MAPKBP1: variants seen among roughly 807,000 people sequenced by gnomAD.
The protein encoded by MAPKBP1 is mitogen-activated protein kinase binding protein 1, also known as mitogen-activated protein kinase-binding protein 1.
A neutral mutation model predicts 170.5 loss-of-function variants in MAPKBP1; 71 were observed. The ratio of observed to expected loss-of-function variants is 0.42; its 90% CI spans 0.34 to 0.51. The LOEUF (loss-of-function observed/expected upper bound fraction) is 0.51. Ranked by LOEUF, MAPKBP1 falls within the 20% of genes least tolerant of loss-of-function variation. MAPKBP1 has a pLI of 0.06. For missense variants in MAPKBP1, 1,598 were observed against 1,933.0 expected, an observed-to-expected ratio of 0.83 and a Z score of 3.25; for synonymous variants, 719 against 757.9, an observed-to-expected ratio of 0.95 and a Z score of 0.84.
At chr15:41,823,261 G>T in intron 28 of MAPKBP1, 39 bp downstream of exon 28, 1 of 1,597,534 alleles carries the variant, frequency 6.3e-7, no homozygotes, top group East Asian at 2.2e-5. Context: ...GGTGCAGGGT[G>T]TATGGAACAC....
chr15:41,813,927 A>G, intron 9 of MAPKBP1, 146 bp downstream of exon 9: 1 of 992,080 alleles, frequency 1.0e-6, no homozygotes, highest in Non-Finnish European at 1.4e-6. Context: ...ATTTGGGTTT[A>G]TTGGTACTTG....
chr15:41,820,409 C>G (rs1449857854), intron 22 of MAPKBP1, among the ~76,000 whole-genome samples: 1 of 152,036 alleles, frequency 6.6e-6, no homozygotes, highest in Non-Finnish European at 1.5e-5. Context: ...GGCCTTTGCC[C>G]TGGGCTGGAT....
chr15:41,791,784 C>T (rs1019674754), intron 2 of MAPKBP1, among the ~76,000 whole-genome samples: 10 of 152,182 alleles, frequency 6.6e-5, no homozygotes, highest in African/African-American at 2.4e-4. Context: ...TTCTCCTCCT[C>T]TCTTTCTCAC....
At chr15:41,793,030 T>G (rs1027645881) in intron 2 of MAPKBP1, among the ~76,000 whole-genome samples, 1 of 152,102 alleles carries the variant, frequency 6.6e-6, no homozygotes, top group Non-Finnish European at 1.5e-5. Context: ...CTTCGCATAC[T>G]TCCACTAGAT....
chr15:41,807,892 A>G (rs940967447), intron 3 of MAPKBP1, among the ~76,000 whole-genome samples: 2 of 151,896 alleles, frequency 1.3e-5, no homozygotes, highest in Non-Finnish European at 2.9e-5. Context: ...TAAAAAAATT[A>G]GCCAGGCTTG....
intron 2 of MAPKBP1, among the ~76,000 whole-genome samples, chr15:41,786,334 G>C (rs986865776): frequency 6.6e-6 from 1 of 151,682 alleles, no homozygotes; most frequent in Non-Finnish European, 1.5e-5. Context: ...CATTATTTTT[G>C]TAAGTAGAAA....
At chr15:41,812,690 C>T in intron 7 of MAPKBP1, 37 bp downstream of exon 7, 1 of 1,557,226 alleles carries the variant, frequency 6.4e-7, no homozygotes, top group Non-Finnish European at 8.7e-7. Flanking sequence ...ACCAAGGCCC[C>T]TGGCAGGGCC....
intron 3 of MAPKBP1, among the ~76,000 whole-genome samples, chr15:41,802,790 T>C (rs957220714): frequency 2.6e-5 from 4 of 152,250 alleles, no homozygotes; most frequent in African/African-American, 9.6e-5. Flanking sequence ...TATTTTCTTT[T>C]TATCTTCTAT....
Position 41,821,681 on chromosome 15 carries a change from T to G in MAPKBP1, c.2816T>G (p.Leu939Arg). ...SQEEGVFAQD[L>R]EPAPIEDGIV... is the part of the protein sequence containing the mutation. ...GAGGAAGGGGTCTTTGCCCAAGATC[T>G]GGAACCTGCACCCATTGAAGATGGT... The change falls in exon 24 of 31, where the codon CTG becomes CGG. Residue 939 changes from leucine (L) to arginine (R), a missense_variant. Around this residue, in one of 6 missense-constraint regions of MAPKBP1, gnomAD observed 942 missense variants for 953.2 expected, o/e 0.99. Transcript: ENST00000457542. 1 of 1,614,174 alleles carries G rather than the reference T, an allele frequency of 6.2e-7. No individual in the cohort carries two copies. Among genetic ancestry groups the G allele is most frequent in the African/African-American group, 1.3e-5 (1 of 75,032 alleles).
rs1382234296 is a variant in MAPKBP1, at chr15:41,816,631, G to C, written c.1566G>C (p.Glu522Asp). 1 of 1,613,878 alleles carries C rather than the reference G, an allele frequency of 6.2e-7. No homozygotes were observed. Among genetic ancestry groups the C allele is most frequent in the Non-Finnish European group, 8.5e-7 (1 of 1,179,998 alleles). ...EAHDSEILCL[E>D]YSKPDTGLKL... Reference sequence around the variant, plus strand: ...ATGACTCTGAGATTCTGTGCCTGGAGTATTCTAAGCCAGACACAGGTTAGG... The same window carrying C: ...ATGACTCTGAGATTCTGTGCCTGGACTATTCTAAGCCAGACACAGGTTAGG... The change falls in exon 13 of 31, where the codon GAG becomes GAC. Residue 522 changes from glutamate to aspartate, a missense_variant. Physicochemically the swap from Glu to Asp is conservative, Grantham distance 45. Coordinates refer to ENST00000457542, the MANE Select transcript of MAPKBP1 (RefSeq NM_014994.3).
chr15:41,778,430 T>C (rs529886655), intron 2 of MAPKBP1, among the ~76,000 whole-genome samples: 2 of 152,328 alleles, frequency 1.3e-5, no homozygotes, highest in East Asian at 3.9e-4. Flanking sequence ...GTTAAAAATA[T>C]GGCTAAAAGC....
intron 2 of MAPKBP1, among the ~76,000 whole-genome samples, chr15:41,785,916 A>G (rs2064278708): frequency 6.6e-6 from 1 of 152,206 alleles, no homozygotes; most frequent in African/African-American, 2.4e-5. Flanking sequence ...AGACACTCAT[A>G]CTGCACGAAG....
intron 2 of MAPKBP1, among the ~76,000 whole-genome samples, chr15:41,780,759 T>TAA (rs5812202): frequency 1.2e-4 from 16 of 139,092 alleles, no homozygotes; most frequent in Non-Finnish European, 1.4e-4. Flanking sequence ...TCTGTTACCT[T>TAA]AAAAAAAAAA....
At chr15:41,786,672 A>G (rs1048097834) in intron 2 of MAPKBP1, among the ~76,000 whole-genome samples, 12 of 149,190 alleles carry the variant, frequency 8.0e-5, no homozygotes, top group South Asian at 6.4e-4. Context: ...GGCTGAGGCA[A>G]GAGAATGACA....
intron 3 of MAPKBP1, 139 bp from the exon 4 acceptor site, chr15:41,810,740 GAAAA>G (rs2152077948): frequency 2.3e-6 from 1 of 436,376 alleles, no homozygotes; most frequent in South Asian, 3.5e-5. Flanking sequence ...AAAAAAAAAA[GAAAA>G]GGAAAAAAAC....
chr15:41,775,508 A>G (rs2064083286), intron 2 of MAPKBP1, 119 bp downstream of exon 2: 2 of 728,814 alleles, frequency 2.7e-6, no homozygotes, highest in Non-Finnish European at 4.7e-6. Flanking sequence ...CTAAAGGATC[A>G]CATATGATCT....
In MAPKBP1 at chr15:41,817,976, C is replaced by T. The variant is rs1465222223; in HGVS notation, c.1905-33C>T. On this transcript the variant is annotated intron_variant, in intron 16 of 30. Coordinates refer to ENST00000457542, the MANE Select transcript of MAPKBP1 (RefSeq NM_014994.3). The surrounding 1 kb of genome is among the most constrained non-coding windows in gnomAD (Gnocchi z 4.2). The stretch of plus-strand genomic sequence containing the variant: ...CCCAGGCGTGTTCCACCTTCACCGC[C>T]TCCTCATGAGAAAGAGACTATGTTT... 1 of 1,608,196 alleles carries T rather than the reference C, an allele frequency of 6.2e-7. No individual in the cohort carries two copies. The highest frequency in any genetic ancestry group is 8.5e-7 in the Non-Finnish European group (1 of 1,174,686).
intron 2 of MAPKBP1, among the ~76,000 whole-genome samples, chr15:41,779,401 G>A (rs2064146946): frequency 6.6e-6 from 1 of 151,980 alleles, no homozygotes; most frequent in South Asian, 2.1e-4. Context: ...AGTAGAAACG[G>A]TGTTTCACCA....
chr15:41,792,111 A>G (rs893692433), intron 2 of MAPKBP1, among the ~76,000 whole-genome samples: 8 of 149,398 alleles, frequency 5.4e-5, no homozygotes, highest in Non-Finnish European at 1.2e-4. Flanking sequence ...ATCTAGTATG[A>G]ATGAGCAGTC....
Sources: allele counts gnomAD v4.1 joint callset (sites outside exome capture counted in the v4.1 genomes callset), GRCh38; gene constraint gnomAD v4.1.1; regional missense constraint gnomAD v4.1.1; non-coding constraint Gnocchi (gnomAD v3.1); transcripts MANE v1.5; gene names NCBI Gene and HGNC (gene_info 2026-07-23, HGNC 2026-07-21).